RTTN: variants seen among roughly 807,000 people sequenced by gnomAD.
RTTN encodes rotatin.
In RTTN, 182 loss-of-function variants were observed where a neutral mutation model predicts 269.2. The observed-to-expected ratio is 0.68, with a 90% CI of 0.60 to 0.76. The LOEUF (loss-of-function observed/expected upper bound fraction) is 0.76, where lower values mean the gene tolerates loss of function less well. Ranked by LOEUF, RTTN falls within the 30% of genes least tolerant of loss-of-function variation. The pLI, the probability that RTTN is intolerant of heterozygous loss-of-function variation, is 0.00. For missense variants in RTTN, 2,545 were observed against 2,608.6 expected (o/e 0.98, Z 0.53); for synonymous variants, 1,006 against 963.5 (o/e 1.04, Z -0.82).
chr18:70,104,656 G>A (rs2059272493), intron 28 of RTTN, among the ~76,000 whole-genome samples: 1 of 152,150 alleles, frequency 6.6e-6, no homozygotes, highest in South Asian at 2.1e-4. Context: ...TGATGATGGT[G>A]ACGTACAGAT....
intron 11 of RTTN, among the ~76,000 whole-genome samples, chr18:70,172,271 T>G (rs2061162445): frequency 6.6e-6 from 1 of 152,204 alleles, no homozygotes; most frequent in Non-Finnish European, 1.5e-5. Context: ...GAGGACATTT[T>G]GTTAAACTTA....
chr18:70,105,931 T>C (rs1004830473), intron 28 of RTTN, among the ~76,000 whole-genome samples: 6 of 152,194 alleles, frequency 3.9e-5, no homozygotes, highest in Non-Finnish European at 7.3e-5. Context: ...CATATATTAA[T>C]TAACTGATTC....
chr18:70,121,817 CTG>C, intron 25 of RTTN, 117 bp from the exon 26 acceptor site: 1 of 987,860 alleles, frequency 1.0e-6, no homozygotes, highest in Non-Finnish European at 1.4e-6. Flanking sequence ...TTATGAGACA[CTG>C]TTTTAAATGC....
At chr18:70,067,350 A>G (rs917498642) in intron 34 of RTTN, among the ~76,000 whole-genome samples, 12 of 152,138 alleles carry the variant, frequency 7.9e-5, no homozygotes, top group East Asian at 5.8e-4. Context: ...TAGTAGAGGC[A>G]GGGTTTCACT....
intron 14 of RTTN, among the ~76,000 whole-genome samples, chr18:70,161,827 A>G (rs957625035): frequency 1.3e-5 from 2 of 152,202 alleles, no homozygotes; most frequent in African/African-American, 4.8e-5. Flanking sequence ...AATGGCTATT[A>G]TTAAAAAGTA....
rs371237404 is a variant in RTTN, at chr18:70,148,943, C to T, written c.2267G>A (p.Arg756Gln). The change falls in exon 17 of 49, where the codon CGA becomes CAA. Residue 756 changes from arginine to glutamine, a missense_variant. Physicochemically the swap from Arg to Gln is conservative, Grantham distance 43. Transcript: ENST00000640769. The stretch of plus-strand genomic sequence containing the variant: ...CAAAAGTCGCAGCATGGACTTTAAT[C>T]GGGTAGTACACGGAAGCATCTCTTC... Reference protein sequence around the residue: ...DTEEMLPCTTRLKSMLRLLLV... With the variant: ...DTEEMLPCTTQLKSMLRLLLV... 6 of 1,613,414 alleles carry T rather than the reference C, an allele frequency of 3.7e-6. No individual in the cohort carries two copies. The highest frequency in any genetic ancestry group is 3.3e-4 in the Middle Eastern group (2 of 6,080).
At chr18:70,092,303 A>C in intron 29 of RTTN, 83 bp from the exon 30 acceptor site, 1 of 878,694 alleles carries the variant, frequency 1.1e-6, no homozygotes, top group Non-Finnish European at 1.8e-6. Flanking sequence ...AGAATTTTTA[A>C]TGAAAACAAC....
intron 28 of RTTN, among the ~76,000 whole-genome samples, chr18:70,095,375 C>T (rs560176565): frequency 1.2e-4 from 18 of 152,214 alleles, no homozygotes; most frequent in East Asian, 5.8e-4. Flanking sequence ...CATTAGTTGA[C>T]GCAGTTTCTT....
At chr18:70,021,354 T>C (rs1376915072) in intron 44 of RTTN, among the ~76,000 whole-genome samples, 1 of 152,136 alleles carries the variant, frequency 6.6e-6, no homozygotes, top group African/African-American at 2.4e-5. Context: ...GGTTCAGTGT[T>C]TCTCAGGAAA....
intron 28 of RTTN, among the ~76,000 whole-genome samples, chr18:70,098,061 ATAAAC>A (rs4019948): frequency 0.72 from 109,712 of 151,618 alleles, 46,388 homozygotes; most frequent in East Asian, 1. Flanking sequence ...AAAAAATGCT[ATAAAC>A]TAGGTACTTA....
At chr18:70,194,012 G>C (rs899882628) in intron 7 of RTTN, 2 of 152,180 alleles carry the variant, frequency 1.3e-5, no homozygotes, top group Admixed American at 6.5e-5. Context: ...TATAGAGTGG[G>C]AGGAAATATT....
intron 32 of RTTN, among the ~76,000 whole-genome samples, chr18:70,080,223 G>A (rs2058528599): frequency 6.6e-6 from 1 of 152,044 alleles, no homozygotes; most frequent in African/African-American, 2.4e-5. Context: ...TACTAGCTTT[G>A]TTCACTCACA....
At chr18:70,025,681 A>G (rs1051967930) in intron 43 of RTTN, among the ~76,000 whole-genome samples, 4 of 152,200 alleles carry the variant, frequency 2.6e-5, no homozygotes, top group African/African-American at 9.7e-5. Flanking sequence ...TCTGCAGCAG[A>G]TGACCTTGTT....
intron 36 of RTTN, among the ~76,000 whole-genome samples, chr18:70,059,412 A>G (rs1408269836): frequency 6.6e-6 from 1 of 152,214 alleles, no homozygotes; most frequent in Non-Finnish European, 1.5e-5. Context: ...CTTTTTGATG[A>G]AAAGTTTAAT....
intron 33 of RTTN, chr18:70,074,912 T>TG (rs1599402076): frequency 6.6e-6 from 1 of 151,856 alleles, no homozygotes; most frequent in East Asian, 1.9e-4. Flanking sequence ...GAAAATATAG[T>TG]GGGAAAAAGT....
chr18:70,059,726 A>C, intron 36 of RTTN, 124 bp downstream of exon 36: 3 of 595,604 alleles, frequency 5.0e-6, no homozygotes, highest in Non-Finnish European at 5.2e-6. Flanking sequence ...CCTAGAGTTC[A>C]ATGAGCCTAA....
intron 46 of RTTN, chr18:70,008,503 C>T (rs966782499): frequency 8.6e-5 from 13 of 151,886 alleles, no homozygotes; most frequent in African/African-American, 2.9e-4. Context: ...AAGCTAAGAA[C>T]CTTGATAAAA....
At chr18:70,184,758 G>GTGTGTGTGT (rs34527835) in intron 10 of RTTN, among the ~76,000 whole-genome samples, 3 of 119,314 alleles carry the variant, frequency 2.5e-5, no homozygotes, top group African/African-American at 8.6e-5. Context: ...GTGTGTGTGT[G>GTGTGTGTGT]GTGGCGGGCG....
At chr18:70,197,972 C>T (rs1037377423) in intron 5 of RTTN, among the ~76,000 whole-genome samples, 1 of 152,148 alleles carries the variant, frequency 6.6e-6, no homozygotes, top group Non-Finnish European at 1.5e-5. Flanking sequence ...TTGCATTCCC[C>T]ACTAGACCCT....
Sources: allele counts gnomAD v4.1 joint callset (sites outside exome capture counted in the v4.1 genomes callset), GRCh38; gene constraint gnomAD v4.1.1; transcripts MANE v1.5; gene names NCBI Gene and HGNC (gene_info 2026-07-23, HGNC 2026-07-21).